The following ANKRD13C variants were observed in gnomAD, a reference collection of about 807,000 sequenced individuals.
ANKRD13C encodes ankyrin repeat domain-containing protein 13C.
Under a neutral mutation model 65.5 loss-of-function variants are expected in ANKRD13C, and 16 were observed. The observed-to-expected ratio is 0.24, with a 90% CI of 0.17 to 0.37. The LOEUF is 0.37. ANKRD13C is among the 10% of genes least tolerant of loss of function. The pLI, the probability that ANKRD13C is intolerant of heterozygous loss-of-function variation, is 1.00. For missense variants in ANKRD13C, 503 were observed against 655.9 expected, an observed-to-expected ratio of 0.77 and a Z score of 2.55; for synonymous variants, 235 against 238.7, an observed-to-expected ratio of 0.98 and a Z score of 0.14.
intron 9 of ANKRD13C, among the ~76,000 whole-genome samples, chr1:70,289,498 TCTGTCAC>T (rs1258376710): frequency 6.6e-6 from 1 of 152,038 alleles, no homozygotes; most frequent in East Asian, 1.9e-4. Flanking sequence ...ACAGTCTTGC[TCTGTCAC>T]CCAGGCTGGA....
intron 2 of ANKRD13C, among the ~76,000 whole-genome samples, chr1:70,332,695 G>C (rs527636445): frequency 6.6e-6 from 1 of 152,088 alleles, no homozygotes; most frequent in South Asian, 2.1e-4. Context: ...CAAACTCCTG[G>C]CCTTAAGTGA....
At chr1:70,296,412 A>G in intron 7 of ANKRD13C, 151 bp from the exon 8 acceptor site, 1 of 744,056 alleles carries the variant, frequency 1.3e-6, no homozygotes, top group East Asian at 2.7e-5. Context: ...TTACTCTAAA[A>G]AGAATTAGAT....
chr1:70,317,977 A>G (rs1681141290), intron 3 of ANKRD13C, among the ~76,000 whole-genome samples: 1 of 152,220 alleles, frequency 6.6e-6, no homozygotes. Context: ...TAAAAAGCTG[A>G]AGGCATTCAA....
rs1432381156 is a variant in ANKRD13C, at chr1:70,300,857, A to G, written c.828T>C (p.Asp276=). The G allele has an allele frequency of 1.2e-6, 2 of 1,613,722 alleles. No homozygotes were observed. The highest frequency in any genetic ancestry group is 1.3e-5 in the African/African-American group (1 of 74,884). The stretch of plus-strand genomic sequence containing the variant: ...CATCCCCATTGAAAATGAAGCTTAG[A>G]TCCCCTCGTTGGCACTTCATGTCAG... ...DFTDMKCQRG[D]LSFIFNGDAA... is the part of the protein sequence containing the mutation. Residue 276 remains aspartate, a synonymous_variant, in exon 7 of 13, where the codon GAT becomes GAC. Transcript: ENST00000370944.
chr1:70,311,264 G>A (rs1463769679), intron 5 of ANKRD13C, among the ~76,000 whole-genome samples: 2 of 152,088 alleles, frequency 1.3e-5, no homozygotes, highest in African/African-American at 4.8e-5. Flanking sequence ...AGGCCGAGGC[G>A]GGTGGATCAT....
At chr1:70,265,824 C>CAAAAAAAAAAAA (rs775757290) in intron 12 of ANKRD13C, among the ~76,000 whole-genome samples, 13 of 35,418 alleles carry the variant, frequency 3.7e-4, no homozygotes, top group Admixed American at 7.5e-4. Flanking sequence ...GACCTTGCCT[C>CAAAAAAAAAAAA]AAAAAAAAAA....
chr1:70,347,899 C>T (rs541878023), intron 1 of ANKRD13C, among the ~76,000 whole-genome samples: 5 of 152,260 alleles, frequency 3.3e-5, no homozygotes, highest in African/African-American at 1.2e-4. Context: ...CTAGACACCA[C>T]TTTCTTCCTA....
Position 70,333,991 on chromosome 1 carries a change from T to G in ANKRD13C, c.472+2067A>C, listed in dbSNP as rs749191512. On this transcript the variant is annotated intron_variant, in intron 2 of 12. Transcript: ENST00000370944. ...GAAAAAAAAGCCATAACTATAACAT[T>G]GAAGATACAGATTTGAATCACCAAT... Among the ~76,000 whole-genome samples the G allele has an allele frequency of 1.0e-3, 158 of 152,130 alleles. 1 individual carries two copies. The highest frequency in any genetic ancestry group is 1.6e-3 in the Non-Finnish European group (107 of 68,028).
At chr1:70,324,781 T>C in intron 3 of ANKRD13C, 72 bp downstream of exon 3, 1 of 1,108,084 alleles carries the variant, frequency 9.0e-7, no homozygotes, top group Non-Finnish European at 1.3e-6. Flanking sequence ...TTACAATGAA[T>C]GAAGAATATT....
intron 1 of ANKRD13C, among the ~76,000 whole-genome samples, chr1:70,343,104 T>C (rs894415045): frequency 2.6e-5 from 4 of 152,176 alleles, no homozygotes; most frequent in Non-Finnish European, 5.9e-5. Context: ...TTAATCATAT[T>C]ATCACAAGAT....
Position 70,259,037 on chromosome 1 carries a change from G to A in ANKRD13C, c.*3680C>T, listed in dbSNP as rs1292003194. Among the ~76,000 whole-genome samples the A allele has an allele frequency of 1.3e-5, 2 of 152,124 alleles. No individual in the cohort carries two copies. Among genetic ancestry groups the A allele is most frequent in the Non-Finnish European group, 2.9e-5 (2 of 68,034 alleles). On this transcript the variant is annotated 3_prime_UTR_variant, in exon 13 of 13. Coordinates refer to ENST00000370944, the MANE Select transcript of ANKRD13C (RefSeq NM_030816.5). ...ATAGGCTTTATTGTATAGTCTAGGT[G>A]AGTGGTATGCTATACCACCTAGGTT... is the stretch of plus-strand genomic sequence containing the variant.
At chr1:70,293,386 T>A (rs1190121388) in intron 8 of ANKRD13C, 1 of 171,136 alleles carries the variant, frequency 5.8e-6, no homozygotes, top group Non-Finnish European at 1.2e-5. Context: ...TTTACTGACA[T>A]TTCAAAACTA....
chr1:70,265,824 CAAAAA>C (rs775757290), intron 12 of ANKRD13C, among the ~76,000 whole-genome samples: 148 of 35,398 alleles, frequency 4.2e-3, no homozygotes, highest in South Asian at 9.8e-3. Flanking sequence ...GACCTTGCCT[CAAAAA>C]AAAAAAAAAA....
intron 8 of ANKRD13C, among the ~76,000 whole-genome samples, chr1:70,292,773 G>T (rs1043674118): frequency 1.3e-5 from 2 of 152,022 alleles, no homozygotes; most frequent in African/African-American, 4.8e-5. Context: ...TCAGTAAAGA[G>T]AAATTTAAAA....
intron 12 of ANKRD13C, among the ~76,000 whole-genome samples, chr1:70,265,111 A>T (rs1476433300): frequency 6.6e-6 from 1 of 152,186 alleles, no homozygotes; most frequent in Non-Finnish European, 1.5e-5. Context: ...TTTAGGCCAA[A>T]AAAAAGACCA....
chr1:70,274,839 AT>A (rs1679060364), intron 10 of ANKRD13C, 21 bp from the exon 11 acceptor site: 1 of 1,525,634 alleles, frequency 6.6e-7, no homozygotes, highest in South Asian at 1.1e-5. Flanking sequence ...AGGAAAAAAA[AT>A]GTTAGGAAAC....
chr1:70,340,683 G>A (rs1338337734), intron 1 of ANKRD13C, among the ~76,000 whole-genome samples: 1 of 152,050 alleles, frequency 6.6e-6, no homozygotes, highest in African/African-American at 2.4e-5. Flanking sequence ...TGTAATTCTA[G>A]CAAGTTTTGC....
intron 5 of ANKRD13C, among the ~76,000 whole-genome samples, chr1:70,310,678 T>C (rs1680811327): frequency 6.6e-6 from 1 of 152,238 alleles, no homozygotes; most frequent in Non-Finnish European, 1.5e-5. Flanking sequence ...TTTATAACAT[T>C]TTGTTCAGCA....
Position 70,313,017 on chromosome 1 carries a change from G to A in ANKRD13C, c.709+728C>T, listed in dbSNP as rs185798912. Among the ~76,000 whole-genome samples the A allele has an allele frequency of 2.0e-4, 31 of 152,080 alleles. No individual in the cohort carries two copies. In the East Asian group the frequency reaches 5.2e-3, roughly 26 times the overall value. On this transcript the variant is annotated intron_variant, in intron 5 of 12. Transcript: ENST00000370944. ...TAAAGTATGCAAGAGGCAAAATAAC[G>A]GAAAGACAACAAAATATACATAAAC...
Sources: allele counts gnomAD v4.1 joint callset (sites outside exome capture counted in the v4.1 genomes callset), GRCh38; gene constraint gnomAD v4.1.1; transcripts MANE v1.5; gene names NCBI Gene and HGNC (gene_info 2026-07-23, HGNC 2026-07-21).